The following SHISA9 variants were observed in gnomAD, a reference collection of about 807,000 sequenced individuals.
SHISA9 encodes the protein shisa family member 9.
In SHISA9, 13 loss-of-function variants were observed where a neutral mutation model predicts 38.0. The ratio of observed to expected loss-of-function variants is 0.34; its 90% confidence interval spans 0.22 to 0.54. The LOEUF (loss-of-function observed/expected upper bound fraction) is 0.54. Among genes scored for constraint, SHISA9 ranks in the 20% least tolerant of loss-of-function variants. The pLI, the probability that SHISA9 is intolerant of heterozygous loss-of-function variation, is 0.91. For missense variants in SHISA9, 538 were observed against 575.8 expected (o/e 0.93, Z 0.67); for synonymous variants, 275 against 242.0 (o/e 1.14, Z -1.27).
chr16:13,223,705 A>T (rs977322756), intron 4 of SHISA9, among the ~76,000 whole-genome samples: 1 of 152,222 alleles, frequency 6.6e-6, no homozygotes, highest in Admixed American at 6.5e-5. Context: ...ATGGACTGAC[A>T]GTTCCACTTG....
At chr16:13,079,926 G>A (rs1306800555) in intron 2 of SHISA9, among the ~76,000 whole-genome samples, 2 of 152,144 alleles carry the variant, frequency 1.3e-5, no homozygotes, top group Non-Finnish European at 2.9e-5. Flanking sequence ...CTACACATTA[G>A]TGTTCGTTGA....
At chr16:13,415,480 T>A in the SHISA9 span, among the ~76,000 whole-genome samples, 10 of 152,072 alleles carry the variant, frequency 6.6e-5, no homozygotes, top group African/African-American at 2.2e-4. Context: ...AAATAAGTAA[T>A]AGGGGTATTA....
intron 2 of SHISA9, among the ~76,000 whole-genome samples, chr16:13,013,140 G>C (rs796805198): frequency 4.6e-5 from 7 of 152,288 alleles, no homozygotes; most frequent in African/African-American, 1.7e-4. Context: ...CTGGCAACTT[G>C]GTGGGCCTTG....
the SHISA9 span, among the ~76,000 whole-genome samples, chr16:13,455,414 T>G: frequency 6.6e-6 from 1 of 152,182 alleles, no homozygotes; most frequent in Non-Finnish European, 1.5e-5. Flanking sequence ...TTCAATGTTT[T>G]GCATTCACCA....
the SHISA9 span, among the ~76,000 whole-genome samples, chr16:13,296,844 G>C: frequency 8.4e-6 from 1 of 119,482 alleles, no homozygotes; most frequent in Non-Finnish European, 1.6e-5. Flanking sequence ...TGAGCTGAGA[G>C]CATGCCCTTG....
the SHISA9 span, among the ~76,000 whole-genome samples, chr16:13,459,827 C>A: frequency 6.6e-6 from 1 of 152,122 alleles, no homozygotes; most frequent in East Asian, 1.9e-4. Flanking sequence ...AGCTACTCTG[C>A]CTTGAGATAA....
At chr16:13,108,883 C>T (rs1291523294) in intron 2 of SHISA9, among the ~76,000 whole-genome samples, 1 of 152,084 alleles carries the variant, frequency 6.6e-6, no homozygotes, top group African/African-American at 2.4e-5. Context: ...AATGTTTCTC[C>T]TAAAGTGTAG....
chr16:13,543,136 CAGGTG>C, the SHISA9 span, among the ~76,000 whole-genome samples: 1 of 152,170 alleles, frequency 6.6e-6, no homozygotes, highest in East Asian at 1.9e-4. Flanking sequence ...GAGAACAAGA[CAGGTG>C]AGGTCTCTGG....
chr16:13,085,046 ATG>A (rs1184334802), intron 2 of SHISA9, among the ~76,000 whole-genome samples: 2 of 152,250 alleles, frequency 1.3e-5, no homozygotes, highest in East Asian at 3.9e-4. Context: ...GGTGTCCCAA[ATG>A]TGTGTGTTTG....
the SHISA9 span, among the ~76,000 whole-genome samples, chr16:13,336,099 G>A: frequency 1.3e-5 from 2 of 152,114 alleles, no homozygotes; most frequent in Non-Finnish European, 1.5e-5. Flanking sequence ...CAGAAGTCCC[G>A]TGGTTTCCCG....
the SHISA9 span, chr16:13,458,405 T>A: frequency 5.3e-6 from 2 of 375,152 alleles, no homozygotes; most frequent in Non-Finnish European, 1.0e-5. Flanking sequence ...GCTGTAACGA[T>A]GGGAGCAGGG....
In SHISA9 at chr16:13,019,868, CTCCCTCCCTCCCTCCCTTCTTTCTTTCT is replaced by C. The variant is rs1274879193; in HGVS notation, c.691+103055_691+103082del. On this transcript the variant is annotated intron_variant, in intron 2 of 4. Transcript: ENST00000558583. Reference sequence around the variant, plus strand: ...CTTCCCTCCCTCCCTCCCTCCCTCCCTCCCTCCCTCCCTCCCTTCTTTCTTTCTTTCTTTCTTTCTTTCTTTCTTTCTT... The same window carrying C: ...CTTCCCTCCCTCCCTCCCTCCCTCCCTTCTTTCTTTCTTTCTTTCTTTCTT... 8.9e-5 allele frequency among the ~76,000 whole-genome samples: 3 copies of C among 33,846 alleles called. No homozygotes were observed. The Admixed American group carries it at 1.0e-3, about 12-fold the overall frequency. 22.2% of individuals were successfully genotyped at this position (33,846 alleles called of 152,430 possible). A position where few individuals can be genotyped will look rare whatever the true frequency, so the allele number is the denominator to read the frequency against.
At chr16:13,170,117 C>A (rs540500958) in intron 2 of SHISA9, among the ~76,000 whole-genome samples, 1 of 149,702 alleles carries the variant, frequency 6.7e-6, no homozygotes, top group South Asian at 2.1e-4. Flanking sequence ...GCAGGAGAAT[C>A]GCTTGAACCT....
chr16:13,032,890 A>G (rs2073008944), intron 2 of SHISA9, among the ~76,000 whole-genome samples: 1 of 152,164 alleles, frequency 6.6e-6, no homozygotes, highest in African/African-American at 2.4e-5. Flanking sequence ...AATAGCTAAG[A>G]CAAAAAGCTT....
intron 2 of SHISA9, among the ~76,000 whole-genome samples, chr16:12,971,219 C>T (rs531624396): frequency 5.3e-5 from 8 of 152,208 alleles, no homozygotes; most frequent in Non-Finnish European, 1.2e-4. Context: ...CCTTATCCCC[C>T]CTCCAAATCA....
At chr16:13,469,103 G>A in the SHISA9 span, among the ~76,000 whole-genome samples, 15 of 151,064 alleles carry the variant, frequency 9.9e-5, no homozygotes, top group Admixed American at 2.0e-4. Context: ...TTAGCCAGGC[G>A]TGATGGTGGG....
In SHISA9 at chr16:13,240,288, C is replaced by T. The variant is rs567402352; in HGVS notation, c.*4879C>T. 9 of 152,264 alleles carry T rather than the reference C, an allele frequency of 5.9e-5. No homozygotes were observed. The South Asian group carries it at 6.2e-4, about 11-fold the overall frequency. The allele number at this position is 152,264 out of a possible 1,614,324, so 9.4% of individuals were successfully genotyped here. A position where few individuals can be genotyped will look rare whatever the true frequency, so the allele number is the denominator to read the frequency against. ...GTCAACAACTGCAGAGTTTATGATA[C>T]GAATAATTCTTCCTACAATGAAGAA... is the stretch of plus-strand genomic sequence containing the variant. On this transcript the variant is annotated 3_prime_UTR_variant, in exon 5 of 5. Coordinates refer to ENST00000558583, the MANE Select transcript of SHISA9 (RefSeq NM_001145204.3).
chr16:13,125,514 C>G (rs1364125254), intron 2 of SHISA9, among the ~76,000 whole-genome samples: 3 of 152,170 alleles, frequency 2.0e-5, no homozygotes, highest in East Asian at 1.9e-4. Context: ...TGATGGCTTA[C>G]AGTCATGAAT....
chr16:13,399,846 C>T, the SHISA9 span, among the ~76,000 whole-genome samples: 29 of 152,208 alleles, frequency 1.9e-4, no homozygotes, highest in African/African-American at 6.3e-4. Context: ...TGCAATTTTG[C>T]TGTCCCATGG....
Sources: allele counts gnomAD v4.1 joint callset (sites outside exome capture counted in the v4.1 genomes callset), GRCh38; gene constraint gnomAD v4.1.1; transcripts MANE v1.5; gene names NCBI Gene and HGNC (gene_info 2026-07-23, HGNC 2026-07-21).